CDH18: variants seen among roughly 807,000 people sequenced by gnomAD.
The protein encoded by CDH18 is cadherin 18.
CDH18 carries 31 observed loss-of-function variants against 67.9 expected under a neutral mutation model. That is an observed-to-expected ratio of 0.46 (90% CI 0.34 to 0.62). CDH18 has a LOEUF of 0.62. Ranked by LOEUF, CDH18 falls within the 20% of genes least tolerant of loss-of-function variation. CDH18 has a pLI of 0.01. For synonymous variants in CDH18, 362 were observed against 347.2 expected (o/e 1.04, Z -0.48); for missense variants, 890 against 975.5 (o/e 0.91, Z 1.17).
Position 20,295,872 on chromosome 5 carries a change from C to CTTT in CDH18, c.-579-40370_-579-40368dup, listed in dbSNP as rs35024141. On this transcript the variant is annotated intron_variant, in intron 1 of 14. Transcript: ENST00000507958. ...TTATTTTATTTTCTTTCTTTTTTTT[C>CTTT]TTTTTTTTTTTTTTTTGAGACGGAG... is the stretch of plus-strand genomic sequence containing the variant. 1.6e-3 allele frequency among the ~76,000 whole-genome samples: 177 copies of CTTT among 109,974 alleles called. 8 individuals are homozygous for CTTT. Among genetic ancestry groups the CTTT allele is most frequent in the African/African-American group, 4.7e-3 (141 of 29,926 alleles). The allele number at this position is 109,974 out of a possible 152,430, so 72.1% of individuals were successfully genotyped here.
intron 2 of CDH18, among the ~76,000 whole-genome samples, chr5:19,903,541 GTA>G (rs112818883): frequency 0.034 from 4,205 of 124,696 alleles, 210 homozygotes; most frequent in African/African-American, 0.11. Context: ...GTGTGTGTGT[GTA>G]TATATATATA....
intron 1 of CDH18, among the ~76,000 whole-genome samples, chr5:20,352,788 G>A (rs115502141): frequency 0.011 from 1,669 of 151,688 alleles, 32 homozygotes; most frequent in African/African-American, 0.039. Flanking sequence ...GAGAGACTCT[G>A]TCTCAAAAAA....
intron 2 of CDH18, among the ~76,000 whole-genome samples, chr5:20,031,243 T>G (rs1739367874): frequency 6.6e-6 from 1 of 152,132 alleles, no homozygotes; most frequent in Admixed American, 6.6e-5. Flanking sequence ...GGTTGGATTA[T>G]TATGATGAAT....
chr5:20,220,304 G>A (rs1741123156), intron 2 of CDH18, among the ~76,000 whole-genome samples: 1 of 151,864 alleles, frequency 6.6e-6, no homozygotes, highest in Admixed American at 6.6e-5. Flanking sequence ...ACAGAATAGA[G>A]AACCCAGAAA....
At chr5:20,452,527 G>T (rs530264149) in intron 1 of CDH18, among the ~76,000 whole-genome samples, 96 of 152,158 alleles carry the variant, frequency 6.3e-4, no homozygotes, top group Non-Finnish European at 1.1e-3. Flanking sequence ...AATACTGCAC[G>T]TCCTGATTTA....
At chr5:19,939,909 T>A (rs1408038478) in intron 2 of CDH18, among the ~76,000 whole-genome samples, 1 of 151,886 alleles carries the variant, frequency 6.6e-6, no homozygotes, top group Non-Finnish European at 1.5e-5. Context: ...TAGATAAGAA[T>A]CCATAGGCTT....
At chr5:19,968,707 G>A (rs1797723385) in intron 2 of CDH18, among the ~76,000 whole-genome samples, 1 of 143,076 alleles carries the variant, frequency 7.0e-6, no homozygotes, top group South Asian at 2.1e-4. Context: ...ATGGATTAAA[G>A]ACTTAAACAT....
chr5:19,867,835 C>A (rs1035106211), intron 2 of CDH18, among the ~76,000 whole-genome samples: 1 of 152,136 alleles, frequency 6.6e-6, no homozygotes, highest in Admixed American at 6.5e-5. Context: ...CAAATCACAT[C>A]TTGAGTTGTA....
At chr5:20,565,507 T>A (rs1237633501) in intron 1 of CDH18, among the ~76,000 whole-genome samples, 1 of 152,128 alleles carries the variant, frequency 6.6e-6, no homozygotes, top group Non-Finnish European at 1.5e-5. Flanking sequence ...GAAGCCCATA[T>A]CAATGGTGAC....
chr5:19,478,404 C>T (rs1738854252), intron 12 of CDH18: 1 of 152,096 alleles, frequency 6.6e-6, no homozygotes, highest in Non-Finnish European at 1.5e-5. Flanking sequence ...GTGTGACTTG[C>T]CACACTTGGG....
intron 2 of CDH18, among the ~76,000 whole-genome samples, chr5:19,997,883 C>A (rs1056876353): frequency 6.6e-6 from 1 of 152,044 alleles, no homozygotes; most frequent in African/African-American, 2.4e-5. Flanking sequence ...CCTAGAAGAG[C>A]TAAGTTGGAC....
intron 6 of CDH18, among the ~76,000 whole-genome samples, chr5:19,593,534 CCTT>C (rs1745528058): frequency 6.6e-6 from 1 of 151,336 alleles, no homozygotes; most frequent in Non-Finnish European, 1.5e-5. Context: ...TTTTTTCCTT[CCTT>C]CTTCTCCTTC....
At chr5:20,194,517 T>C (rs1738807017) in intron 2 of CDH18, among the ~76,000 whole-genome samples, 1 of 152,040 alleles carries the variant, frequency 6.6e-6, no homozygotes, top group South Asian at 2.1e-4. Context: ...TCTGAACAGA[T>C]ATAAGGGCAT....
rs142558524 is a variant in CDH18 at position 19,975,392 on chromosome 5, G to A, written c.-257+5668C>T. Among the ~76,000 whole-genome samples, 591 of 152,162 alleles carry A rather than the reference G, an allele frequency of 3.9e-3. 5 individuals are homozygous for A. Among genetic ancestry groups the A allele is most frequent in the African/African-American group, 0.014 (573 of 41,530 alleles). On this transcript the variant is annotated intron_variant, in intron 2 of 12. Transcript: ENST00000382275. ...CAATATGTTGGGAAAAAATTGAGTA[G>A]TGCTAGATGAAAAATAAGTATGAAG...
intron 2 of CDH18, among the ~76,000 whole-genome samples, chr5:20,132,538 A>G (rs1749354017): frequency 1.3e-5 from 2 of 152,254 alleles, no homozygotes; most frequent in Admixed American, 1.3e-4. Flanking sequence ...CCTGGATTCT[A>G]TCCCCCACCT....
intron 3 of CDH18, among the ~76,000 whole-genome samples, chr5:19,780,859 T>C (rs534162584): frequency 1.3e-5 from 2 of 152,276 alleles, no homozygotes; most frequent in Admixed American, 1.3e-4. Flanking sequence ...GGTTTGGTAA[T>C]GGAAACTGTT....
At chr5:20,327,230 T>C (rs1422655283) in intron 1 of CDH18, among the ~76,000 whole-genome samples, 2 of 152,292 alleles carry the variant, frequency 1.3e-5, no homozygotes, top group East Asian at 1.9e-4. Flanking sequence ...CAAAAACTGC[T>C]TTCTTTTAGT....
intron 1 of CDH18, among the ~76,000 whole-genome samples, chr5:20,352,706 T>A (rs889204008): frequency 1.3e-5 from 2 of 151,376 alleles, no homozygotes; most frequent in Non-Finnish European, 2.9e-5. Context: ...GGCAGGAGAA[T>A]GGTGTGAACC....
intron 2 of CDH18, among the ~76,000 whole-genome samples, chr5:20,213,726 G>C (rs1367535673): frequency 6.6e-6 from 1 of 152,058 alleles, no homozygotes; most frequent in Non-Finnish European, 1.5e-5. Context: ...TGTGGGGTCA[G>C]TGGTAATATC....
Sources: allele counts gnomAD v4.1 joint callset (sites outside exome capture counted in the v4.1 genomes callset), GRCh38; gene constraint gnomAD v4.1.1; transcripts MANE v1.5; gene names NCBI Gene and HGNC (gene_info 2026-07-23, HGNC 2026-07-21).